The following CADM2 variants were observed in gnomAD, a reference collection of about 807,000 sequenced individuals.
The protein encoded by CADM2 is immunoglobulin superfamily member 4D.
A neutral mutation model predicts 49.8 loss-of-function variants in CADM2; 12 were observed. The ratio of observed to expected loss-of-function variants is 0.24; its 90% confidence interval spans 0.15 to 0.39. The LOEUF (loss-of-function observed/expected upper bound fraction) is 0.39. Ranked by LOEUF, CADM2 falls within the 10% of genes least tolerant of loss-of-function variation. The pLI, the probability that CADM2 is intolerant of heterozygous loss-of-function variation, is 1.00. For synonymous variants in CADM2, 214 were observed against 175.4 expected (o/e 1.22, Z -1.74); for missense variants, 378 against 492.3 (o/e 0.77, Z 2.20).
intron 1 of CADM2, among the ~76,000 whole-genome samples, chr3:85,084,273 A>T (rs1284233817): frequency 1.3e-5 from 2 of 152,172 alleles, no homozygotes; most frequent in Non-Finnish European, 2.9e-5. Flanking sequence ...TTTTCCCCTT[A>T]GAGTATCTGA....
intron 1 of CADM2, among the ~76,000 whole-genome samples, chr3:85,285,562 ACT>A (rs1480537016): frequency 6.6e-6 from 1 of 152,122 alleles, no homozygotes; most frequent in Non-Finnish European, 1.5e-5. Context: ...AACTCACATA[ACT>A]CTAGTTTGAA....
chr3:85,144,925 A>C (rs2039692477), intron 1 of CADM2, among the ~76,000 whole-genome samples: 1 of 152,210 alleles, frequency 6.6e-6, no homozygotes, highest in African/African-American at 2.4e-5. Flanking sequence ...AAATTTATCA[A>C]TACAAGATAG....
chr3:85,444,841 G>T (rs1453009896), intron 1 of CADM2, among the ~76,000 whole-genome samples: 2 of 152,152 alleles, frequency 1.3e-5, no homozygotes, highest in African/African-American at 2.4e-5. Context: ...TTAATATAAG[G>T]CATTGAGGAA....
rs60770356 is a variant in CADM2 at position 85,817,101 on chromosome 3, A to G, written c.238+14905A>G. 5.6e-3 allele frequency among the ~76,000 whole-genome samples: 853 copies of G among 152,318 alleles called. 9 individuals carry two copies. The highest frequency in any genetic ancestry group is 0.02 in the African/African-American group (820 of 41,582). The stretch of plus-strand genomic sequence containing the variant: ...CTTGTGAGCCACCCTTGGAAACAGC[A>G]GTAAGCAAGCATTTTGCAGCTCTGG... On this transcript the variant is annotated intron_variant, in intron 3 of 9. Transcript: ENST00000383699.
intron 8 of CADM2, among the ~76,000 whole-genome samples, chr3:86,063,192 C>T (rs1738897449): frequency 1.3e-5 from 2 of 152,146 alleles, no homozygotes; most frequent in South Asian, 4.2e-4. Flanking sequence ...GCTCAAGATC[C>T]GCAGATATGC....
intron 2 of CADM2, among the ~76,000 whole-genome samples, chr3:85,797,489 A>T (rs1395478035): frequency 1.3e-5 from 2 of 152,064 alleles, no homozygotes; most frequent in African/African-American, 2.4e-5. Flanking sequence ...ACTCCCACTT[A>T]TGAGTGAGAA....
chr3:85,533,737 GC>G (rs2106975655), intron 1 of CADM2, among the ~76,000 whole-genome samples: 1 of 152,270 alleles, frequency 6.6e-6, no homozygotes, highest in African/African-American at 2.4e-5. Flanking sequence ...AGAATCAAGG[GC>G]CAGCTTAGAG....
chr3:85,293,989 A>G (rs2043878905), intron 1 of CADM2, among the ~76,000 whole-genome samples: 1 of 152,056 alleles, frequency 6.6e-6, no homozygotes, highest in South Asian at 2.1e-4. Context: ...GGAAAAGAGG[A>G]AGTCAAATTG....
chr3:85,970,976 G>A (rs1323951940), intron 8 of CADM2, among the ~76,000 whole-genome samples: 5 of 151,654 alleles, frequency 3.3e-5, no homozygotes, highest in Admixed American at 6.6e-5. Context: ...AAAAAGTCAT[G>A]CAAGAAATCT....
intron 1 of CADM2, among the ~76,000 whole-genome samples, chr3:85,507,705 A>G (rs1361507242): frequency 6.6e-6 from 1 of 152,130 alleles, no homozygotes; most frequent in Non-Finnish European, 1.5e-5. Flanking sequence ...AGAAAGAAGA[A>G]TTTAAACTTT....
chr3:85,691,021 T>G (rs1014533559), intron 1 of CADM2, among the ~76,000 whole-genome samples: 2 of 152,172 alleles, frequency 1.3e-5, no homozygotes, highest in Non-Finnish European at 2.9e-5. Context: ...GATTTATTCC[T>G]TCTATCTAAT....
intron 1 of CADM2, among the ~76,000 whole-genome samples, chr3:85,535,390 C>T: frequency 6.6e-6 from 1 of 152,202 alleles, no homozygotes; most frequent in East Asian, 1.9e-4. Context: ...AAGTAACAGA[C>T]TCTTAATAAT....
intron 1 of CADM2, among the ~76,000 whole-genome samples, chr3:85,488,322 G>C (rs1349523407): frequency 6.6e-6 from 1 of 152,024 alleles, no homozygotes; most frequent in Non-Finnish European, 1.5e-5. Flanking sequence ...CAGAGATAAT[G>C]TTTAATTATA....
intron 1 of CADM2, among the ~76,000 whole-genome samples, chr3:85,726,140 ATATC>A (rs1352531388): frequency 2.0e-5 from 3 of 151,992 alleles, no homozygotes; most frequent in Admixed American, 6.6e-5. Flanking sequence ...AGTTACTCAA[ATATC>A]ATGGGGTTAC....
intron 1 of CADM2, among the ~76,000 whole-genome samples, chr3:85,579,505 G>A (rs2062733165): frequency 6.6e-6 from 1 of 152,112 alleles, no homozygotes; most frequent in Non-Finnish European, 1.5e-5. Flanking sequence ...GATTTAGTCA[G>A]TTCCTTTCAT....
chr3:85,204,711 T>A (rs1346983199), intron 1 of CADM2, among the ~76,000 whole-genome samples: 1 of 152,194 alleles, frequency 6.6e-6, no homozygotes, highest in Non-Finnish European at 1.5e-5. Context: ...ATACCTGTGT[T>A]CTATGTTTTG....
chr3:85,151,709 A>G (rs1298055619), intron 1 of CADM2, among the ~76,000 whole-genome samples: 1 of 152,190 alleles, frequency 6.6e-6, no homozygotes, highest in Non-Finnish European at 1.5e-5. Context: ...GTAAATAACA[A>G]TACATTCATT....
intron 1 of CADM2, among the ~76,000 whole-genome samples, chr3:85,405,083 T>A (rs1366839667): frequency 6.6e-6 from 1 of 152,144 alleles, no homozygotes; most frequent in Non-Finnish European, 1.5e-5. Flanking sequence ...GTTCAGAAAT[T>A]TCCAGTATTT....
intron 8 of CADM2, among the ~76,000 whole-genome samples, chr3:86,023,525 A>C (rs537851537): frequency 4.0e-5 from 6 of 151,646 alleles, no homozygotes; most frequent in South Asian, 4.2e-4. Flanking sequence ...CACCCAGCTA[A>C]TTTTGTATTT....
Sources: allele counts gnomAD v4.1 joint callset (sites outside exome capture counted in the v4.1 genomes callset), GRCh38; gene constraint gnomAD v4.1.1; transcripts MANE v1.5; gene names NCBI Gene and HGNC (gene_info 2026-07-23, HGNC 2026-07-21).